The following GTF2IRD2B variants were observed in gnomAD, a reference collection of about 807,000 sequenced individuals.
GTF2IRD2B encodes general transcription factor II-I repeat domain-containing protein 2B.
A neutral mutation model predicts 55.6 loss-of-function variants in GTF2IRD2B; 10 were observed. The ratio of observed to expected loss-of-function variants is 0.18; its 90% CI spans 0.11 to 0.31. The LOEUF (loss-of-function observed/expected upper bound fraction) is 0.31. Ranked by LOEUF, GTF2IRD2B falls within the 10% of genes least tolerant of loss-of-function variation. The pLI is 1.00. For synonymous variants in GTF2IRD2B, 107 were observed against 320.5 expected, an observed-to-expected ratio of 0.33 and a Z score of 7.12; for missense variants, 206 against 802.7, an observed-to-expected ratio of 0.26 and a Z score of 8.98.
At chr7:75,132,885 T>G (rs1245804335) in intron 8 of GTF2IRD2B, among the ~76,000 whole-genome samples, 1 of 147,440 alleles carries the variant, frequency 6.8e-6, no homozygotes, top group African/African-American at 2.7e-5. Context: ...CTATTGATTT[T>G]ACAATTGATA....
intron 8 of GTF2IRD2B, among the ~76,000 whole-genome samples, chr7:75,127,024 C>CAAAAAAAAAAAA (rs1327743794): frequency 2.7e-5 from 2 of 74,618 alleles, no homozygotes; most frequent in African/African-American, 3.5e-5. Flanking sequence ...AAAACAAAAA[C>CAAAAAAAAAAAA]AAAAAAAACA....
chr7:75,107,016 G>C (rs1325128259), intron 1 of GTF2IRD2B, among the ~76,000 whole-genome samples: 23 of 151,586 alleles, frequency 1.5e-4, no homozygotes, highest in Non-Finnish European at 4.4e-5. Context: ...GAAGGGAAGT[G>C]GGAAAGAAGG....
In GTF2IRD2B at chr7:75,113,782, GT is replaced by G. The variant is rs1563092898; in HGVS notation, c.238+1248del. 9.2e-4 allele frequency among the ~76,000 whole-genome samples: 5 copies of G among 5,460 alleles called. No individual in the cohort carries two copies. The South Asian group carries it at 0.018, about 20-fold the overall frequency. The allele number at this position is 5,460 out of a possible 152,430, so 3.6% of individuals were successfully genotyped here. A position where few individuals can be genotyped will look rare whatever the true frequency, so the allele number is the denominator to read the frequency against. On this transcript the variant is annotated intron_variant, in intron 3 of 15. Coordinates refer to ENST00000472837, the MANE Select transcript of GTF2IRD2B (RefSeq NM_001003795.3). ...GAAAGGTTCGTCAGAGGGTATAAGG[GT>G]GTGTGTGTGTGTGTGTGTGTGTGTG...
intron 1 of GTF2IRD2B, among the ~76,000 whole-genome samples, chr7:75,102,605 G>A (rs1175085376): frequency 7.7e-4 from 116 of 151,554 alleles, no homozygotes; most frequent in African/African-American, 2.8e-3. Context: ...GCTGCAGGGA[G>A]CCATGATCGA....
intron 1 of GTF2IRD2B, among the ~76,000 whole-genome samples, chr7:75,105,820 T>C (rs1807780475): frequency 6.6e-6 from 1 of 152,306 alleles, no homozygotes; most frequent in South Asian, 2.1e-4. Context: ...AAGACTTATT[T>C]CTTGGTTGCA....
intron 3 of GTF2IRD2B, among the ~76,000 whole-genome samples, chr7:75,118,153 C>A (rs1233297067): frequency 2.0e-5 from 3 of 151,872 alleles, no homozygotes; most frequent in Admixed American, 6.6e-5. Context: ...ATTTCAGTGG[C>A]ACCATACCCA....
chr7:75,149,413 C>G lies in GTF2IRD2B; in HGVS notation c.*116C>G. The G allele has an allele frequency of 1.3e-6, 1 of 755,176 alleles. No homozygotes were observed. The highest frequency in any genetic ancestry group is 1.4e-5 in the South Asian group (1 of 71,082). The allele number at this position is 755,176 out of a possible 1,614,324, so 46.8% of individuals were successfully genotyped here. ...TTTTCTTTTTTGAGATGGAGTCTTG[C>G]TCTGTCGCCCAGGTTGGAGTGCAGT... On this transcript the variant is annotated 3_prime_UTR_variant, in exon 16 of 16. Transcript: ENST00000472837.
At chr7:75,137,108 C>T (rs1808864490) in intron 11 of GTF2IRD2B, among the ~76,000 whole-genome samples, 1 of 150,884 alleles carries the variant, frequency 6.6e-6, no homozygotes, top group Admixed American at 6.6e-5. Flanking sequence ...GAGGCTGAGA[C>T]AGGAGGATCG....
chr7:75,124,532 C>CT (rs1485418452), intron 6 of GTF2IRD2B, among the ~76,000 whole-genome samples: 3 of 127,988 alleles, frequency 2.3e-5, no homozygotes, highest in African/African-American at 5.9e-5. Context: ...AGTGGAAAGT[C>CT]TGTTTCGGGA....
chr7:75,099,742 AAAT>A (rs1303608038), intron 1 of GTF2IRD2B, among the ~76,000 whole-genome samples: 1 of 129,878 alleles, frequency 7.7e-6, no homozygotes, highest in African/African-American at 3.0e-5. Flanking sequence ...GTCTCAAAAT[AAAT>A]AAATAAATAA....
intron 1 of GTF2IRD2B, among the ~76,000 whole-genome samples, chr7:75,103,589 T>C (rs1204656539): frequency 1.3e-5 from 2 of 151,536 alleles, no homozygotes; most frequent in Non-Finnish European, 3.0e-5. Context: ...GGAAGGAACC[T>C]CGGGACAAGC....
At chr7:75,116,550 C>CT (rs1199636181) in intron 3 of GTF2IRD2B, among the ~76,000 whole-genome samples, 11 of 144,764 alleles carry the variant, frequency 7.6e-5, no homozygotes, top group South Asian at 2.2e-4. Flanking sequence ...ATTTGGAGGC[C>CT]TTTTTTTTTC....
intron 1 of GTF2IRD2B, among the ~76,000 whole-genome samples, chr7:75,105,418 C>T (rs1308228088): frequency 1.4e-4 from 21 of 152,406 alleles, no homozygotes; most frequent in Non-Finnish European, 2.9e-4. Context: ...GCAGGAGAAT[C>T]GCTCGAACCC....
Position 75,115,251 on chromosome 7 carries a change from T to C in GTF2IRD2B, c.238+2716T>C, listed in dbSNP as rs1256485439. On this transcript the variant is annotated intron_variant, in intron 3 of 15. Transcript: ENST00000472837. ...TGCTAAATATTTGGTCAAGTGTTTA[T>C]TTCTGGACTCCCTACTCTATTCCGT... 2.0e-5 allele frequency among the ~76,000 whole-genome samples: 3 copies of C among 150,246 alleles called. No homozygotes were observed. In the Admixed American group the frequency reaches 2.0e-4, roughly 10 times the overall value.
At position 75,102,223 on chromosome 7, in the gene GTF2IRD2B, G is replaced by A. The variant is rs587674009; in HGVS notation, c.-5-6737G>A. The stretch of plus-strand genomic sequence containing the variant: ...TCACCAAGTTGGCCAGGATGGTCTC[G>A]ATCTCTTGACCTTGTGATCCGTCCG... On this transcript the variant is annotated intron_variant, in intron 1 of 15. Transcript: ENST00000472837. Among the ~76,000 whole-genome samples, 703 of 151,328 alleles carry A rather than the reference G, an allele frequency of 4.6e-3. 20 individuals are homozygous for A. The highest frequency in any genetic ancestry group is 8.2e-3 in the Non-Finnish European group (555 of 67,744).
intron 1 of GTF2IRD2B, among the ~76,000 whole-genome samples, chr7:75,103,228 G>C (rs1408607136): frequency 6.6e-6 from 1 of 151,728 alleles, no homozygotes; most frequent in Non-Finnish European, 1.5e-5. Context: ...GCAGTGAGCC[G>C]AGATCGCACC....
At chr7:75,127,514 A>C (rs1399581061) in intron 8 of GTF2IRD2B, among the ~76,000 whole-genome samples, 5 of 147,696 alleles carry the variant, frequency 3.4e-5, no homozygotes, top group Admixed American at 2.0e-4. Flanking sequence ...AGAGAGAGGG[A>C]GCCTTCTAAT....
chr7:75,104,171 G>A, intron 1 of GTF2IRD2B, among the ~76,000 whole-genome samples: 1 of 135,644 alleles, frequency 7.4e-6, no homozygotes, highest in African/African-American at 2.7e-5. Context: ...TGCCCCACCT[G>A]GAGGGCAGTG....
At position 75,148,315 on chromosome 7, in the gene GTF2IRD2B, C is replaced by T. The variant is rs1554532755; in HGVS notation, c.1868C>T (p.Ala623Val). The T allele has an allele frequency of 4.3e-6, 7 of 1,613,480 alleles. No homozygotes were observed. Among genetic ancestry groups the T allele is most frequent in the Admixed American group, 1.7e-5 (1 of 59,904 alleles). Residue 623 changes from alanine to valine, a missense_variant, in exon 16 of 16, where the codon GCG becomes GTG. By Grantham distance (64) the Ala-to-Val change is moderately conservative. Coordinates refer to ENST00000472837, the MANE Select transcript of GTF2IRD2B (RefSeq NM_001003795.3). ...LVSVASTGTPAMVDANNGLVT... is the reference protein window; with the variant it reads ...LVSVASTGTPVMVDANNGLVT... ...AGCGTGGCCTCCACTGGCACCCCAG[C>T]GATGGTGGATGCCAATAACGGGCTT...
Sources: allele counts gnomAD v4.1 joint callset (sites outside exome capture counted in the v4.1 genomes callset), GRCh38; gene constraint gnomAD v4.1.1; transcripts MANE v1.5; gene names NCBI Gene and HGNC (gene_info 2026-07-23, HGNC 2026-07-21).